AFTPH: variants seen among roughly 807,000 people sequenced by gnomAD.
AFTPH encodes aftiphilin protein.
AFTPH carries 7 observed loss-of-function variants against 72.5 expected under a neutral mutation model. That is an observed-to-expected ratio of 0.10 (90% CI 0.05 to 0.18). The LOEUF (loss-of-function observed/expected upper bound fraction) is 0.18. AFTPH is among the 10% of genes least tolerant of loss of function. The pLI, the probability that AFTPH is intolerant of heterozygous loss-of-function variation, is 1.00. For missense variants in AFTPH, 979 were observed against 1,060.5 expected (o/e 0.92, Z 1.07); for synonymous variants, 337 against 370.1 (o/e 0.91, Z 1.03).
intron 1 of AFTPH, 113 bp from the exon 2 acceptor site, chr2:64,551,330 C>T: frequency 1.2e-6 from 1 of 809,122 alleles, no homozygotes; most frequent in African/African-American, 1.7e-5. Flanking sequence ...AAAAAGGAGA[C>T]AAAATAGAGC....
intron 6 of AFTPH, among the ~76,000 whole-genome samples, chr2:64,577,199 CTTT>C (rs956066995): frequency 2.0e-5 from 3 of 152,184 alleles, no homozygotes; most frequent in Admixed American, 1.3e-4. Flanking sequence ...TTGCCTAGTG[CTTT>C]TATCTCTGCA....
chr2:64,556,688 G>A (rs1330137168), intron 2 of AFTPH, among the ~76,000 whole-genome samples: 4 of 152,128 alleles, frequency 2.6e-5, no homozygotes, highest in Admixed American at 1.3e-4. Flanking sequence ...GTTGGGGTTA[G>A]TGCAATAATT....
chr2:64,538,264 T>C (rs565169444), intron 1 of AFTPH, among the ~76,000 whole-genome samples: 1 of 152,246 alleles, frequency 6.6e-6, no homozygotes, highest in South Asian at 2.1e-4. Flanking sequence ...CAAATAAATG[T>C]TATATATTTT....
chr2:64,591,290 CATA>C (rs1673810051), intron 8 of AFTPH, among the ~76,000 whole-genome samples: 1 of 152,230 alleles, frequency 6.6e-6, no homozygotes, highest in Non-Finnish European at 1.5e-5. Flanking sequence ...TGTGTACGTG[CATA>C]ATAACACCAG....
At chr2:64,545,554 G>C (rs2103888231) in intron 1 of AFTPH, among the ~76,000 whole-genome samples, 1 of 94,964 alleles carries the variant, frequency 1.1e-5, no homozygotes, top group Non-Finnish European at 1.9e-5. Flanking sequence ...TCTGTACAAT[G>C]GAATGCCACC....
intron 1 of AFTPH, among the ~76,000 whole-genome samples, chr2:64,533,322 T>C (rs1332261531): frequency 6.6e-6 from 1 of 152,036 alleles, no homozygotes; most frequent in East Asian, 1.9e-4. Context: ...TCACTTGAGC[T>C]CAGGAGGTCG....
chr2:64,572,957 G>A (rs763048080), exon 6 of AFTPH: 5 of 1,613,868 alleles, frequency 3.1e-6, no homozygotes, highest in African/African-American at 1.3e-5. Context: ...GTATGTTAGA[G>A]CCCACCAAGG....
At chr2:64,526,544 C>T (rs766891578) in intron 1 of AFTPH, among the ~76,000 whole-genome samples, 269 of 152,106 alleles carry the variant, frequency 1.8e-3, no homozygotes, top group Non-Finnish European at 2.7e-3. Flanking sequence ...AAGGTTTTTC[C>T]CTCTATTCTT....
chr2:64,579,170 A>G (rs1385085370), intron 6 of AFTPH, among the ~76,000 whole-genome samples: 1 of 152,184 alleles, frequency 6.6e-6, no homozygotes, highest in African/African-American at 2.4e-5. Flanking sequence ...AATCACATCA[A>G]TAGTTGAAAT....
exon 2 of AFTPH, chr2:64,552,919 G>A: frequency 6.2e-7 from 1 of 1,614,034 alleles, no homozygotes; most frequent in Non-Finnish European, 8.5e-7. Flanking sequence ...GGAGAATTTG[G>A]GGATATAAAT....
exon 9 of AFTPH, chr2:64,592,607 A>ATCAG (rs1156275855): frequency 6.6e-6 from 1 of 152,154 alleles, no homozygotes; most frequent in East Asian, 1.9e-4. Flanking sequence ...AAGGTACTTA[A>ATCAG]TTGCTCTTTT....
rs868261565 is a variant in AFTPH at position 64,569,208 on chromosome 2, C to T, written c.2204C>T (p.Thr735Ile). The T allele has an allele frequency of 9.3e-6, 15 of 1,612,166 alleles. No homozygotes were observed. The African/African-American group carries it at 1.9e-4, about 20-fold the overall frequency. ...CTTTTGTCCTCCTTGGGAATAGACACCCGAAACATTGTGAGTTTGTTAGTA... is the reference window on the plus strand; with the variant it reads ...CTTTTGTCCTCCTTGGGAATAGACATCCGAAACATTGTGAGTTTGTTAGTA... The change falls in exon 4 of 9, where the codon ACC becomes ATC. Residue 735 changes from threonine (T) to isoleucine (I), a missense_variant. Physicochemically the swap from Thr to Ile is moderately conservative, Grantham distance 89 (BLOSUM62 -1). This residue lies in a region of AFTPH where 438 missense variants were observed against 530.0 expected (regional missense o/e 0.83). Transcript: ENST00000238856.
exon 2 of AFTPH, chr2:64,552,437 A>T (rs755921028): frequency 6.2e-7 from 1 of 1,614,170 alleles, no homozygotes; most frequent in Non-Finnish European, 8.5e-7. Flanking sequence ...CAACACTGCA[A>T]CAGGATGAAT....
chr2:64,547,258 G>T lies in AFTPH; in HGVS notation c.-32-4185G>T, dbSNP rs1312183130. On this transcript the variant is annotated intron_variant, in intron 1 of 8. Coordinates refer to ENST00000238856, the Ensembl canonical transcript of AFTPH. The stretch of plus-strand genomic sequence containing the variant: ...TTCTTCAATCTGAAACAGGTTTTCA[G>T]TCTTTCCTTGACTTTCATGAGCTTG... Among the ~76,000 whole-genome samples, 36 of 152,160 alleles carry T rather than the reference G, an allele frequency of 2.4e-4. 1 individual carries two copies. The highest frequency in any genetic ancestry group is 2.4e-3 in the Admixed American group (36 of 15,274).
intron 8 of AFTPH, among the ~76,000 whole-genome samples, chr2:64,588,909 ATT>A (rs1364073132): frequency 6.6e-6 from 1 of 152,028 alleles, no homozygotes; most frequent in Non-Finnish European, 1.5e-5. Flanking sequence ...TAATTGGATA[ATT>A]TGTCTTTTTA....
At chr2:64,586,333 A>G (rs1420458243) in intron 8 of AFTPH, among the ~76,000 whole-genome samples, 1 of 152,216 alleles carries the variant, frequency 6.6e-6, no homozygotes, top group African/African-American at 2.4e-5. Flanking sequence ...AAGTGGAACT[A>G]TTTACCTATT....
intron 1 of AFTPH, among the ~76,000 whole-genome samples, chr2:64,544,830 A>G (rs1670466421): frequency 6.6e-6 from 1 of 152,154 alleles, no homozygotes; most frequent in South Asian, 2.1e-4. Context: ...CTAAAGGGTA[A>G]GTTGGGTCAG....
At chr2:64,555,483 C>T (rs1455122253) in intron 2 of AFTPH, among the ~76,000 whole-genome samples, 2 of 151,666 alleles carry the variant, frequency 1.3e-5, no homozygotes, top group Non-Finnish European at 2.9e-5. Context: ...ATAACTTGAA[C>T]CCAGCAGGTG....
chr2:64,577,627 G>A (rs1246038634), intron 6 of AFTPH, among the ~76,000 whole-genome samples: 1 of 152,212 alleles, frequency 6.6e-6, no homozygotes, highest in Non-Finnish European at 1.5e-5. Context: ...TAGAAGTGGA[G>A]TAAGTTGAAT....
Sources: gnomAD v4.1 joint callset for allele counts (sites outside exome capture counted in the v4.1 genomes callset) on GRCh38, gnomAD v4.1.1 for gene constraint, gnomAD v4.1.1 regional missense constraint, MANE v1.5 for transcripts, NCBI Gene and HGNC (gene_info 2026-07-23, HGNC 2026-07-21) for gene names.